Variants in MYLK4 observed in about 807,000 individuals in gnomAD.
MYLK4 encodes the protein myosin light chain kinase family member 4, also known as caMLCK like.
A neutral mutation model predicts 48.1 loss-of-function variants in MYLK4; 46 were observed. The observed-to-expected ratio is 0.96, with a 90% confidence interval of 0.75 to 1.22. The LOEUF is 1.22. MYLK4 is among the 50% of genes most tolerant of loss of function. The pLI is 0.00. For synonymous variants in MYLK4, 170 were observed against 180.8 expected (o/e 0.94, Z 0.48); for missense variants, 451 against 486.1 (o/e 0.93, Z 0.68).
chr6:2,702,026 G>A (rs1248858553), intron 2 of MYLK4, among the ~76,000 whole-genome samples: 1 of 152,234 alleles, frequency 6.6e-6, no homozygotes, highest in African/African-American at 2.4e-5. Context: ...GGAGCGGGGA[G>A]GGAGTCGAGA....
At position 2,680,212 on chromosome 6, in the gene MYLK4, T is replaced by C. The variant is rs768589733; in HGVS notation, c.758+9A>G. On this transcript the variant is annotated intron_variant, in intron 8 of 12. Transcript: ENST00000274643. The stretch of plus-strand genomic sequence containing the variant: ...CTCCATTCGTACACCTATGTCCAAA[T>C]AGACATACCTTCTGGCCAATCCAAA... 5 of 1,614,108 alleles carry C rather than the reference T, an allele frequency of 3.1e-6. No homozygotes were observed. The highest frequency in any genetic ancestry group is 4.2e-6 in the Non-Finnish European group (5 of 1,179,998).
At chr6:2,732,131 T>G (rs1432046971) in intron 2 of MYLK4, among the ~76,000 whole-genome samples, 1 of 152,246 alleles carries the variant, frequency 6.6e-6, no homozygotes, top group African/African-American at 2.4e-5. Context: ...CCTTGTTTTC[T>G]TCCTGATTCA....
At chr6:2,680,431 G>A (rs912954547) in intron 7 of MYLK4, 140 bp from the exon 8 acceptor site, 4 of 1,512,604 alleles carry the variant, frequency 2.6e-6, no homozygotes, top group East Asian at 4.7e-5. Flanking sequence ...GTCCGTGTGG[G>A]TACTTTCTCC....
intron 2 of MYLK4, among the ~76,000 whole-genome samples, chr6:2,717,574 T>G (rs916402261): frequency 6.6e-6 from 1 of 152,234 alleles, no homozygotes; most frequent in Non-Finnish European, 1.5e-5. Context: ...AATCTTGGGC[T>G]TCTCAACCTA....
At chr6:2,726,326 G>A (rs1367701376) in intron 2 of MYLK4, among the ~76,000 whole-genome samples, 3 of 152,166 alleles carry the variant, frequency 2.0e-5, no homozygotes, top group African/African-American at 7.2e-5. Context: ...AGGAGCCCAG[G>A]GCCAGCAGAG....
chr6:2,699,216 A>T (rs894320252), intron 2 of MYLK4, among the ~76,000 whole-genome samples: 1 of 150,786 alleles, frequency 6.6e-6, no homozygotes, highest in Non-Finnish European at 1.5e-5. Flanking sequence ...GGATAATTTT[A>T]CTTTATTTTA....
chr6:2,765,639 C>T, the MYLK4 span: 14 of 1,541,136 alleles, frequency 9.1e-6, no homozygotes, highest in Admixed American at 1.1e-4. Flanking sequence ...GTGAGCGGGC[C>T]GGAAGACGAC....
intron 2 of MYLK4, among the ~76,000 whole-genome samples, chr6:2,731,480 C>T (rs1763478124): frequency 1.3e-5 from 2 of 152,302 alleles, no homozygotes; most frequent in African/African-American, 4.8e-5. Flanking sequence ...TGCTGAGCGC[C>T]TCCTATGTGC....
chr6:2,753,895 T>C (rs531855411), upstream of MYLK4, among the ~76,000 whole-genome samples: 7 of 151,662 alleles, frequency 4.6e-5, no homozygotes, highest in Admixed American at 4.6e-4. Context: ...GTGTGGTGGC[T>C]CACACCTGTA....
chr6:2,766,514 C>T, the MYLK4 span: 24 of 1,434,378 alleles, frequency 1.7e-5, no homozygotes, highest in African/African-American at 2.8e-5. Context: ...GGTCGGAGAG[C>T]CGGGTGTGCT....
At chr6:2,766,125 C>A in the MYLK4 span, 2 of 1,325,406 alleles carry the variant, frequency 1.5e-6, no homozygotes, top group East Asian at 3.1e-5. Context: ...GAGGAGGAGG[C>A]CGTGGGCGAC....
At chr6:2,677,561 C>T (rs1272714559) in intron 10 of MYLK4, among the ~76,000 whole-genome samples, 1 of 152,222 alleles carries the variant, frequency 6.6e-6, no homozygotes, top group African/African-American at 2.4e-5. Flanking sequence ...ATGCAAATCC[C>T]TATATTTCAA....
chr6:2,690,823 C>CTTTTTTTTTTTTTTT (rs35133716), intron 3 of MYLK4, among the ~76,000 whole-genome samples: 1 of 88,834 alleles, frequency 1.1e-5, no homozygotes. Context: ...CTCTCTGAAT[C>CTTTTTTTTTTTTTTT]TTTTTTTTTT....
At chr6:2,768,427 G>A in the MYLK4 span, among the ~76,000 whole-genome samples, 51 of 152,328 alleles carry the variant, frequency 3.3e-4, no homozygotes, top group Non-Finnish European at 5.7e-4. Flanking sequence ...CACCCAAAAA[G>A]GAATCAAAGG....
chr6:2,710,788 T>C (rs1762644619), intron 2 of MYLK4, among the ~76,000 whole-genome samples: 1 of 152,198 alleles, frequency 6.6e-6, no homozygotes, highest in Non-Finnish European at 1.5e-5. Context: ...ATTAGACACA[T>C]GGCTTTCAGT....
chr6:2,749,414 G>T lies in MYLK4; in HGVS notation c.-112-8C>A. ...AGTGCTTCTTTCTCTTGACTGCAAA[G>T]AAAGGAAACACAAAAAGTTCTCATC... On this transcript the variant is annotated splice_region_variant and splice_polypyrimidine_tract_variant and intron_variant, in intron 1 of 12. Transcript: ENST00000274643. 1 of 745,016 alleles carries T rather than the reference G, an allele frequency of 1.3e-6. No homozygotes were observed. The highest frequency in any genetic ancestry group is 2.1e-6 in the Non-Finnish European group (1 of 470,754). The allele number at this position is 745,016 out of a possible 1,614,324, so 46.2% of individuals were successfully genotyped here.
chr6:2,763,567 G>A, the MYLK4 span, among the ~76,000 whole-genome samples: 4 of 152,228 alleles, frequency 2.6e-5, no homozygotes, highest in Non-Finnish European at 4.4e-5. Flanking sequence ...CGAGCGCGAG[G>A]CTTATCTGAG....
At chr6:2,724,422 G>A (rs1249234908) in intron 2 of MYLK4, among the ~76,000 whole-genome samples, 2 of 152,222 alleles carry the variant, frequency 1.3e-5, no homozygotes, top group East Asian at 3.8e-4. Flanking sequence ...GATCCGGCCA[G>A]GGAGAAATCA....
intron 2 of MYLK4, among the ~76,000 whole-genome samples, chr6:2,699,282 C>CTTTTTTTTTTTTTTTTTT (rs1762184790): frequency 3.1e-5 from 2 of 63,584 alleles, no homozygotes; most frequent in African/African-American, 1.2e-4. Flanking sequence ...CTTTTCTTTT[C>CTTTTTTTTTTTTTTTTTT]TTTTCTTTTT....
Sources: gnomAD v4.1 joint callset for allele counts (sites outside exome capture counted in the v4.1 genomes callset) on GRCh38, gnomAD v4.1.1 for gene constraint, MANE v1.5 for transcripts, NCBI Gene and HGNC (gene_info 2026-07-23, HGNC 2026-07-21) for gene names.